HECW2: variants seen among roughly 807,000 people sequenced by gnomAD.
HECW2 encodes HECT, C2 and WW domain containing E3 ubiquitin protein ligase 2.
In HECW2, 61 loss-of-function variants were observed where a neutral mutation model predicts 175.2. The observed-to-expected ratio is 0.35, with a 90% CI of 0.28 to 0.43. The LOEUF is 0.43. Among genes scored for constraint, HECW2 ranks in the 20% least tolerant of loss-of-function variants. HECW2 has a pLI of 1.00. For missense variants in HECW2, 1,524 were observed against 2,000.5 expected (o/e 0.76, Z 4.54); for synonymous variants, 671 against 731.0 (o/e 0.92, Z 1.32).
intron 1 of HECW2, among the ~76,000 whole-genome samples, chr2:196,489,939 G>A (rs943988764): frequency 1.3e-5 from 2 of 152,150 alleles, no homozygotes; most frequent in African/African-American, 4.8e-5. Flanking sequence ...CAAAGTAAGA[G>A]GCAGAAACAA....
At chr2:196,541,771 C>T (rs1000539129) in intron 1 of HECW2, among the ~76,000 whole-genome samples, 10 of 151,844 alleles carry the variant, frequency 6.6e-5, no homozygotes, top group African/African-American at 2.2e-4. Flanking sequence ...CTACAAGTCC[C>T]AGAAACCAGA....
chr2:196,214,489 G>C (rs1364840833), intron 28 of HECW2, among the ~76,000 whole-genome samples: 1 of 152,172 alleles, frequency 6.6e-6, no homozygotes, highest in African/African-American at 2.4e-5. Context: ...GCCTTATTCA[G>C]ATAGGCTAAA....
At chr2:196,262,840 C>T (rs1009119312) in intron 17 of HECW2, among the ~76,000 whole-genome samples, 1 of 152,068 alleles carries the variant, frequency 6.6e-6, no homozygotes, top group Admixed American at 6.6e-5. Context: ...ATTACAGGCA[C>T]GAGCTATGGT....
At chr2:196,271,991 C>T (rs181356939) in intron 16 of HECW2, among the ~76,000 whole-genome samples, 2 of 152,092 alleles carry the variant, frequency 1.3e-5, no homozygotes, top group Non-Finnish European at 2.9e-5. Flanking sequence ...AGGTCACCAA[C>T]GAGATTCTAG....
At chr2:196,385,775 A>G (rs1021258339) in intron 2 of HECW2, among the ~76,000 whole-genome samples, 1 of 152,218 alleles carries the variant, frequency 6.6e-6, no homozygotes. Context: ...ACTTGTCTAG[A>G]TTAAAATAAC....
At chr2:196,267,172 TTAA>T (rs1313822415) in intron 17 of HECW2, among the ~76,000 whole-genome samples, 1 of 152,176 alleles carries the variant, frequency 6.6e-6, no homozygotes, top group Admixed American at 6.6e-5. Flanking sequence ...CTGGCTGGAC[TTAA>T]TAATCATATT....
At chr2:196,410,935 T>C (rs1284577759) in intron 2 of HECW2, among the ~76,000 whole-genome samples, 1 of 151,946 alleles carries the variant, frequency 6.6e-6, no homozygotes, top group African/African-American at 2.4e-5. Context: ...AGAAGATACA[T>C]GCAGATTCTG....
intron 15 of HECW2, among the ~76,000 whole-genome samples, chr2:196,274,566 A>G (rs1318179067): frequency 6.6e-6 from 1 of 152,182 alleles, no homozygotes; most frequent in Non-Finnish European, 1.5e-5. Context: ...AGGCCAGGGA[A>G]TTCCCTGGCT....
At chr2:196,297,887 A>G (rs1247808494) in intron 13 of HECW2, among the ~76,000 whole-genome samples, 8 of 152,208 alleles carry the variant, frequency 5.3e-5, no homozygotes, top group Non-Finnish European at 1.0e-4. Context: ...TCTTCATAAT[A>G]TTTTTAATTT....
intron 3 of HECW2, among the ~76,000 whole-genome samples, chr2:196,342,525 G>A (rs2061168): frequency 1.1e-5 from 1 of 92,424 alleles, no homozygotes; most frequent in Non-Finnish European, 2.2e-5. Context: ...AAAATGTACT[G>A]AGTATTTACT....
intron 2 of HECW2, among the ~76,000 whole-genome samples, chr2:196,381,291 T>C (rs1167273616): frequency 1.3e-5 from 2 of 152,118 alleles, no homozygotes; most frequent in Non-Finnish European, 2.9e-5. Flanking sequence ...ACTAGAAAAA[T>C]GATTAAATTC....
At chr2:196,263,879 T>C (rs1187955122) in intron 17 of HECW2, 1 of 152,220 alleles carries the variant, frequency 6.6e-6, no homozygotes, top group Non-Finnish European at 1.5e-5. Flanking sequence ...GAGCCTATTA[T>C]ATAGGAAGCA....
chr2:196,514,887 C>A (rs539065292), intron 1 of HECW2, among the ~76,000 whole-genome samples: 1 of 152,356 alleles, frequency 6.6e-6, no homozygotes, highest in South Asian at 2.1e-4. Flanking sequence ...AACTTGGGAC[C>A]AGCCAAATGG....
At chr2:196,301,119 C>T (rs954282436) in intron 13 of HECW2, among the ~76,000 whole-genome samples, 1 of 152,126 alleles carries the variant, frequency 6.6e-6, no homozygotes, top group African/African-American at 2.4e-5. Context: ...CAAGTGAGAA[C>T]ATGTGGTGTT....
At chr2:196,228,968 G>A (rs1258103234) in intron 21 of HECW2, among the ~76,000 whole-genome samples, 1 of 152,166 alleles carries the variant, frequency 6.6e-6, no homozygotes, top group Non-Finnish European at 1.5e-5. Context: ...AGATGTCAGG[G>A]TCAAACTGAA....
intron 1 of HECW2, among the ~76,000 whole-genome samples, chr2:196,446,718 A>G (rs1179145472): frequency 6.6e-6 from 1 of 152,222 alleles, no homozygotes; most frequent in Non-Finnish European, 1.5e-5. Flanking sequence ...TACCATTACT[A>G]CAGAAATCAA....
At chr2:196,352,282 C>A (rs1341055919) in intron 2 of HECW2, among the ~76,000 whole-genome samples, 1 of 152,026 alleles carries the variant, frequency 6.6e-6, no homozygotes, top group African/African-American at 2.4e-5. Context: ...TTGAATGGCA[C>A]CAGAATGATT....
intron 2 of HECW2, among the ~76,000 whole-genome samples, chr2:196,421,222 A>C (rs1695398939): frequency 6.6e-6 from 1 of 152,162 alleles, no homozygotes; most frequent in East Asian, 1.9e-4. Context: ...TAAAAAGTCC[A>C]AACATATCAA....
chr2:196,319,850 T>C lies in HECW2; in HGVS notation c.1040A>G (p.Asp347Gly). The C allele has an allele frequency of 6.2e-7, 1 of 1,613,876 alleles. No individual in the cohort carries two copies. Among genetic ancestry groups the C allele is most frequent in the Non-Finnish European group, 8.5e-7 (1 of 1,179,830 alleles). The change falls in exon 9 of 29, where the codon GAC (aspartate) becomes GGC (glycine). Residue 347 changes from aspartate (D) to glycine (G), a missense_variant. Asp to Gly is a moderately conservative substitution (Grantham distance 94). Transcript: ENST00000644978. ...TILGVNSVNG[D>G]LGSPSDDEDM... ...CTCGTCATCGGAAGGGCTACCTAAGTCTCCATTCACAGAATTGACTCCAAG... is the reference window on the plus strand; with the variant it reads ...CTCGTCATCGGAAGGGCTACCTAAGCCTCCATTCACAGAATTGACTCCAAG...
Sources: gnomAD v4.1 joint callset for allele counts (sites outside exome capture counted in the v4.1 genomes callset) on GRCh38, gnomAD v4.1.1 for gene constraint, MANE v1.5 for transcripts, NCBI Gene and HGNC (gene_info 2026-07-23, HGNC 2026-07-21) for gene names.